GLIS3: variants seen among roughly 807,000 people sequenced by gnomAD.
GLIS3 encodes the protein GLIS family zinc finger 3, also known as zinc finger protein GLIS3.
GLIS3 carries 53 observed loss-of-function variants against 78.6 expected under a neutral mutation model. The observed-to-expected ratio is 0.67, with a 90% CI of 0.54 to 0.85. GLIS3 has a LOEUF of 0.85. Among genes scored for constraint, GLIS3 ranks in the 40% least tolerant of loss-of-function variants. The pLI, the probability that GLIS3 is intolerant of heterozygous loss-of-function variation, is 0.00. For synonymous variants in GLIS3, 684 were observed against 509.9 expected (o/e 1.34, Z -4.60); for missense variants, 1,703 against 1,231.1 (o/e 1.38, Z -5.74).
chr9:4,377,422 G>A, the GLIS3 span, among the ~76,000 whole-genome samples: 2 of 135,598 alleles, frequency 1.5e-5, no homozygotes, highest in South Asian at 2.9e-4. Flanking sequence ...TTTGCTGGGG[G>A]CTCTCAGGCC....
the GLIS3 span, among the ~76,000 whole-genome samples, chr9:4,400,199 G>A: frequency 2.0e-5 from 3 of 152,148 alleles, no homozygotes; most frequent in African/African-American, 7.2e-5. Context: ...AAAATCAAGT[G>A]GAGAAAGATC....
chr9:4,449,728 T>A, the GLIS3 span, among the ~76,000 whole-genome samples: 31,732 of 151,842 alleles, frequency 0.21, 3,450 homozygotes, highest in Middle Eastern at 0.3. Context: ...TCTAGCAAAC[T>A]CCAACAGACC....
chr9:3,839,238 G>A (rs1183429800), intron 9 of GLIS3, among the ~76,000 whole-genome samples: 5 of 152,156 alleles, frequency 3.3e-5, no homozygotes, highest in African/African-American at 7.2e-5. Flanking sequence ...GTCAATAAAA[G>A]TGCAAAATTC....
rs563968434 is a variant in GLIS3, at chr9:4,097,914, T to C, written c.1710+19854A>G. On this transcript the variant is annotated intron_variant, in intron 4 of 10. Transcript: ENST00000381971. ...TGAATTCTAACATATTTTCAATTTTTTTTGTGGGTCATTTCTAGGCTCCAT... is the reference window on the plus strand; with the variant it reads ...TGAATTCTAACATATTTTCAATTTTCTTTGTGGGTCATTTCTAGGCTCCAT... Among the ~76,000 whole-genome samples the C allele has an allele frequency of 2.6e-5, 4 of 152,346 alleles. No homozygotes were observed. In the South Asian group the frequency reaches 8.3e-4, roughly 32 times the overall value.
intron 2 of GLIS3, among the ~76,000 whole-genome samples, chr9:4,332,550 C>T (rs1817701377): frequency 6.6e-6 from 1 of 152,192 alleles, no homozygotes; most frequent in South Asian, 2.1e-4. Flanking sequence ...AGCCTTGCAC[C>T]CAGATGGAAG....
At chr9:4,315,789 C>G (rs1263866579) in intron 2 of GLIS3, among the ~76,000 whole-genome samples, 4 of 152,020 alleles carry the variant, frequency 2.6e-5, no homozygotes, top group Admixed American at 2.0e-4. Flanking sequence ...CTTGGGCCGT[C>G]AGTAGGTGGC....
chr9:4,250,776 G>A (rs1824296922), intron 2 of GLIS3, among the ~76,000 whole-genome samples: 1 of 152,164 alleles, frequency 6.6e-6, no homozygotes, highest in Non-Finnish European at 1.5e-5. Context: ...TCTAAACACT[G>A]CTTTAGCTGT....
chr9:4,366,339 T>G, the GLIS3 span, among the ~76,000 whole-genome samples: 2 of 152,112 alleles, frequency 1.3e-5, no homozygotes, highest in Admixed American at 6.5e-5. Context: ...TGCCTAAGCC[T>G]GAGTACTTTC....
intron 4 of GLIS3, among the ~76,000 whole-genome samples, chr9:3,941,948 C>A (rs1378214300): frequency 6.6e-6 from 1 of 152,116 alleles, no homozygotes; most frequent in Non-Finnish European, 1.5e-5. Flanking sequence ...ATTAAGATGA[C>A]CTTTGAAATG....
intron 2 of GLIS3, among the ~76,000 whole-genome samples, chr9:4,219,146 G>A (rs567889041): frequency 1.3e-5 from 2 of 152,294 alleles, no homozygotes; most frequent in South Asian, 4.1e-4. Flanking sequence ...CAAATGCTTT[G>A]AGCTTCTGAA....
At chr9:3,842,099 A>G (rs1818754953) in intron 9 of GLIS3, among the ~76,000 whole-genome samples, 1 of 152,206 alleles carries the variant, frequency 6.6e-6, no homozygotes, top group African/African-American at 2.4e-5. Context: ...ATGGATTACT[A>G]AAAGGAAGTG....
At chr9:3,969,444 G>A (rs1457762001) in intron 4 of GLIS3, among the ~76,000 whole-genome samples, 2 of 152,214 alleles carry the variant, frequency 1.3e-5, no homozygotes, top group Admixed American at 1.3e-4. Context: ...TCCACTCAAA[G>A]TAGACCTTCT....
At chr9:4,072,798 C>T in intron 4 of GLIS3, among the ~76,000 whole-genome samples, 1 of 150,908 alleles carries the variant, frequency 6.6e-6, no homozygotes, top group African/African-American at 2.4e-5. Flanking sequence ...TAGTTTCTTT[C>T]TTCTATATAA....
intron 2 of GLIS3, among the ~76,000 whole-genome samples, chr9:4,335,522 T>A (rs1375412834): frequency 6.6e-6 from 1 of 152,216 alleles, no homozygotes; most frequent in Non-Finnish European, 1.5e-5. Context: ...TGCAAAGCCT[T>A]CAAGTGTGAA....
upstream of GLIS3, among the ~76,000 whole-genome samples, chr9:4,352,221 G>T (rs1440697325): frequency 6.6e-6 from 1 of 152,148 alleles, no homozygotes; most frequent in Non-Finnish European, 1.5e-5. Flanking sequence ...TAAAACTCAG[G>T]CGACACCCAG....
At chr9:4,396,836 G>T in the GLIS3 span, among the ~76,000 whole-genome samples, 41 of 152,116 alleles carry the variant, frequency 2.7e-4, no homozygotes, top group Admixed American at 1.9e-3. Flanking sequence ...ACGGGCTTGT[G>T]AGGTTTTGAA....
intron 2 of GLIS3, among the ~76,000 whole-genome samples, chr9:4,206,495 T>C (rs1220829640): frequency 6.6e-6 from 1 of 152,250 alleles, no homozygotes; most frequent in Non-Finnish European, 1.5e-5. Flanking sequence ...CGTAGCTTTA[T>C]GAACTGCTTT....
chr9:4,370,783 T>C, the GLIS3 span, among the ~76,000 whole-genome samples: 1 of 152,084 alleles, frequency 6.6e-6, no homozygotes, highest in Non-Finnish European at 1.5e-5. Flanking sequence ...AGTTCACCCA[T>C]TCTCAACGTA....
the GLIS3 span, among the ~76,000 whole-genome samples, chr9:4,469,154 G>C: frequency 6.6e-6 from 1 of 152,110 alleles, no homozygotes; most frequent in South Asian, 2.1e-4. Context: ...TAGAGACCTA[G>C]AAAGAGACTT....
Sources: allele counts gnomAD v4.1 joint callset (sites outside exome capture counted in the v4.1 genomes callset), GRCh38; gene constraint gnomAD v4.1.1; transcripts MANE v1.5; gene names NCBI Gene and HGNC (gene_info 2026-07-23, HGNC 2026-07-21).